The following CDC42BPA variants were observed in gnomAD, a reference collection of about 807,000 sequenced individuals.
CDC42BPA encodes serine/threonine-protein kinase MRCK alpha.
Under a neutral mutation model 223.5 loss-of-function variants are expected in CDC42BPA, and 80 were observed. That is an observed-to-expected ratio of 0.36 (90% CI 0.30 to 0.43). CDC42BPA has a LOEUF of 0.43. CDC42BPA is among the 20% of genes least tolerant of loss of function. CDC42BPA has a pLI of 1.00. For missense variants in CDC42BPA, 1,743 were observed against 2,099.9 expected (o/e 0.83, Z 3.32); for synonymous variants, 694 against 718.6 (o/e 0.97, Z 0.55).
At chr1:227,167,923 T>G (rs1665325250) in intron 5 of CDC42BPA, among the ~76,000 whole-genome samples, 1 of 104,824 alleles carries the variant, frequency 9.5e-6, no homozygotes, top group Non-Finnish European at 1.9e-5. Flanking sequence ...GGCAATAAAT[T>G]CTTCTGTTCT....
chr1:227,183,449 T>C (rs1019735284), intron 5 of CDC42BPA: 1 of 152,226 alleles, frequency 6.6e-6, no homozygotes, highest in African/African-American at 2.4e-5. Context: ...ACATACAGTA[T>C]GTAACATTTT....
chr1:227,218,376 T>A (rs1345949051), intron 2 of CDC42BPA, among the ~76,000 whole-genome samples: 2 of 152,226 alleles, frequency 1.3e-5, no homozygotes, highest in African/African-American at 2.4e-5. Flanking sequence ...TTCCCCTACA[T>A]ATCATCTACT....
chr1:227,314,079 C>T (rs980499582), intron 1 of CDC42BPA, among the ~76,000 whole-genome samples: 8 of 151,838 alleles, frequency 5.3e-5, no homozygotes, highest in African/African-American at 1.9e-4. Flanking sequence ...AGGGGGTGGC[C>T]GATTTAACGA....
At chr1:227,082,728 A>AAAAG (rs1228678509) in intron 16 of CDC42BPA, among the ~76,000 whole-genome samples, 1 of 131,560 alleles carries the variant, frequency 7.6e-6, no homozygotes, top group East Asian at 3.2e-4. Context: ...AAAAAAAAAA[A>AAAAG]AAAAAAAAAA....
chr1:227,125,729 C>T (rs1309829320), intron 11 of CDC42BPA, among the ~76,000 whole-genome samples: 2 of 151,934 alleles, frequency 1.3e-5, no homozygotes, highest in Non-Finnish European at 2.9e-5. Flanking sequence ...CTTCTACCTC[C>T]AACCTGGGTT....
At chr1:227,033,538 A>T (rs41268739) in intron 26 of CDC42BPA, 123 bp from the exon 27 acceptor site, 46,884 of 622,916 alleles carry the variant, frequency 0.075, 3,098 homozygotes, top group East Asian at 0.28. Flanking sequence ...TTAATTTTTT[A>T]AAAAAATTAA....
chr1:227,126,519 G>GGAAGGAAGGAAGGAA (rs1255853712), intron 11 of CDC42BPA, among the ~76,000 whole-genome samples: 3 of 80,772 alleles, frequency 3.7e-5, no homozygotes, highest in African/African-American at 1.4e-4. Context: ...AAGGAAGGAA[G>GGAAGGAAGGAAGGAA]GTAAGAAAGG....
rs763804648 is a variant in CDC42BPA at position 227,147,471 on chromosome 1, G to C, written c.782C>G (p.Pro261Arg). 7 of 1,613,216 alleles carry C rather than the reference G, an allele frequency of 4.3e-6. No individual in the cohort carries two copies. The highest frequency in any genetic ancestry group is 5.9e-6 in the Non-Finnish European group (7 of 1,179,438). Residue 261 changes from proline (P) to arginine (R), a missense_variant, in exon 7 of 37, where the codon CCT becomes CGT. Around this residue, in one of 6 missense-constraint regions of CDC42BPA, gnomAD observed 321 missense variants for 488.7 expected, o/e 0.66. Transcript: ENST00000366766. ...CCCCAAAGACCACCAGTCACATTCA[G>C]GTCCATATCTCCCTTTTCCATCTTC... ...AMEDGKGRYG[P>R]ECDWWSLGVC...
chr1:227,220,244 C>T (rs947736479), intron 2 of CDC42BPA, among the ~76,000 whole-genome samples: 2 of 145,022 alleles, frequency 1.4e-5, no homozygotes, highest in African/African-American at 5.1e-5. Flanking sequence ...TTTCAAATCC[C>T]TTTTTTTCTT....
intron 24 of CDC42BPA, 46 bp from the exon 25 acceptor site, chr1:227,035,653 A>G: frequency 6.7e-7 from 1 of 1,502,426 alleles, no homozygotes; most frequent in African/African-American, 1.4e-5. Context: ...TCATTTTAAC[A>G]AAAAGAAAAT....
At position 227,151,178 on chromosome 1, in the gene CDC42BPA, C is replaced by A. The variant is rs182697878; in HGVS notation, c.694-3619G>T. ...CCCCCATTTCCCCTTCCCCTAGACC[C>A]TGGAAGCCACCATTGTACTTTGTTT... On this transcript the variant is annotated intron_variant, in intron 6 of 36. Transcript: ENST00000366766. Among the ~76,000 whole-genome samples the A allele has an allele frequency of 1.8e-3, 267 of 152,252 alleles. 1 individual carries two copies. Among genetic ancestry groups the A allele is most frequent in the Non-Finnish European group, 3.0e-3 (202 of 68,014 alleles).
At chr1:227,243,290 A>C (rs2813975) in intron 2 of CDC42BPA, among the ~76,000 whole-genome samples, 14,910 of 152,250 alleles carry the variant, frequency 0.098, 1,173 homozygotes, top group East Asian at 0.36. Context: ...TTACTTATTT[A>C]ACAAACCTGC....
At chr1:227,177,135 AAATAT>A (rs1052989498) in intron 5 of CDC42BPA, among the ~76,000 whole-genome samples, 5 of 48,958 alleles carry the variant, frequency 1.0e-4, no homozygotes, top group African/African-American at 3.2e-4. Context: ...AAGAAAAAAA[AAATAT>A]ATATATATAC....
At chr1:227,014,837 T>C (rs1665890225) in intron 34 of CDC42BPA, among the ~76,000 whole-genome samples, 1 of 152,322 alleles carries the variant, frequency 6.6e-6, no homozygotes, top group South Asian at 2.1e-4. Context: ...TTTAATAGTA[T>C]GCTGAGAGAA....
chr1:227,015,130 T>C (rs1196166683), intron 34 of CDC42BPA, among the ~76,000 whole-genome samples: 2 of 151,994 alleles, frequency 1.3e-5, no homozygotes, highest in African/African-American at 2.4e-5. Context: ...AATGTTTTTA[T>C]AGAAATGGGG....
chr1:227,112,801 G>C lies in CDC42BPA; in HGVS notation c.1760C>G (p.Thr587Arg). The C allele has an allele frequency of 6.2e-7, 1 of 1,614,026 alleles. No individual in the cohort carries two copies. The highest frequency in any genetic ancestry group is 8.5e-7 in the Non-Finnish European group (1 of 1,179,990). ...TTTCTGTTTTTGGGTGTGCAATTCT[G>C]TTAGCCGCTCATTGATCTCCATGAA... ...QEFMEINERL[T>R]ELHTQKQKLA... is the part of the protein sequence containing the mutation. Residue 587 changes from threonine (T) to arginine (R), a missense_variant, in exon 13 of 37, where the codon ACA becomes AGA. Physicochemically the swap from Thr to Arg is moderately conservative, Grantham distance 71 (BLOSUM62 -1). Coordinates refer to ENST00000366766, the MANE Select transcript of CDC42BPA (RefSeq NM_001394014.1).
At chr1:227,193,726 C>T (rs1670178998) in intron 5 of CDC42BPA, 60 bp downstream of exon 5, 6 of 1,252,924 alleles carry the variant, frequency 4.8e-6, no homozygotes, top group Non-Finnish European at 6.5e-6. Flanking sequence ...AAGAAATAGG[C>T]CTCTGTTGCT....
chr1:227,039,760 A>T (rs370351807), intron 24 of CDC42BPA, among the ~76,000 whole-genome samples: 2 of 152,178 alleles, frequency 1.3e-5, no homozygotes, highest in African/African-American at 2.4e-5. Flanking sequence ...TATCTTTCAG[A>T]CATAGTGGCA....
intron 5 of CDC42BPA, among the ~76,000 whole-genome samples, chr1:227,193,348 C>A (rs922001964): frequency 6.6e-6 from 1 of 152,074 alleles, no homozygotes; most frequent in Non-Finnish European, 1.5e-5. Context: ...GCGTGAGCAA[C>A]CGTGACCGGC....
Sources: gnomAD v4.1 joint callset for allele counts (sites outside exome capture counted in the v4.1 genomes callset) on GRCh38, gnomAD v4.1.1 for gene constraint, gnomAD v4.1.1 regional missense constraint, MANE v1.5 for transcripts, NCBI Gene and HGNC (gene_info 2026-07-23, HGNC 2026-07-21) for gene names.